Variants in RNFT2 observed in about 807,000 individuals in gnomAD.
RNFT2 encodes E3 ubiquitin-protein ligase RNFT2.
In RNFT2, 36 loss-of-function variants were observed where a neutral mutation model predicts 53.0. That is an observed-to-expected ratio of 0.68 (90% CI 0.52 to 0.90). RNFT2 has a LOEUF of 0.90. Among genes scored for constraint, RNFT2 ranks in the 40% least tolerant of loss-of-function variants. The pLI is 0.00. For synonymous variants in RNFT2, 260 were observed against 253.2 expected (o/e 1.03, Z -0.26); for missense variants, 514 against 585.6 (o/e 0.88, Z 1.26).
chr12:116,740,888 A>C, intron 2 of RNFT2, 148 bp from the exon 3 acceptor site: 1 of 692,874 alleles, frequency 1.4e-6, no homozygotes, highest in Non-Finnish European at 2.6e-6. Context: ...AATGGCATGA[A>C]AGATTGAAAC....
intron 7 of RNFT2, among the ~76,000 whole-genome samples, chr12:116,827,360 G>A (rs1876397373): frequency 6.6e-6 from 1 of 152,192 alleles, no homozygotes; most frequent in African/African-American, 2.4e-5. Context: ...AGACCCAAAA[G>A]ATGAATAGAT....
At position 116,852,387 on chromosome 12, in the gene RNFT2, G is replaced by A; in HGVS notation, c.*2939G>A. On this transcript the variant is annotated 3_prime_UTR_variant, in exon 11 of 11. Transcript: ENST00000257575. ...CCACCAAACCAGGACTTTCCCCTTG[G>A]CTTGGCATCCCTGGCTCTCTCCTGG... is the stretch of plus-strand genomic sequence containing the variant. 1.2e-6 allele frequency: 1 copy of A among 829,780 alleles called. No homozygotes were observed. Among genetic ancestry groups the A allele is most frequent in the Admixed American group, 4.9e-5 (1 of 20,422 alleles). The allele number at this position is 829,780 out of a possible 1,614,324, so 51.4% of individuals were successfully genotyped here. A position where few individuals can be genotyped will look rare whatever the true frequency, so the allele number is the denominator to read the frequency against.
At chr12:116,785,996 G>T (rs1319228937) in intron 7 of RNFT2, among the ~76,000 whole-genome samples, 1 of 152,114 alleles carries the variant, frequency 6.6e-6, no homozygotes, top group Non-Finnish European at 1.5e-5. Context: ...AGGTTGCAGT[G>T]AGCTGAGACC....
intron 7 of RNFT2, among the ~76,000 whole-genome samples, chr12:116,827,085 C>CA (rs1214926613): frequency 2.0e-5 from 3 of 151,618 alleles, no homozygotes; most frequent in Non-Finnish European, 4.4e-5. Flanking sequence ...CTGGGTCTGG[C>CA]AGCAGGTGCC....
intron 6 of RNFT2, among the ~76,000 whole-genome samples, chr12:116,771,501 A>G (rs1566076469): frequency 1.9e-5 from 2 of 104,722 alleles, no homozygotes; most frequent in Non-Finnish European, 4.1e-5. Context: ...AAAAATACGT[A>G]TATGAGCAAT....
intron 10 of RNFT2, among the ~76,000 whole-genome samples, chr12:116,843,705 TG>T (rs11292371): frequency 0.95 from 144,006 of 152,014 alleles, 68,290 homozygotes; most frequent in African/African-American, 0.99. Flanking sequence ...AGCTGGGCCC[TG>T]GGGTAAACCT....
chr12:116,753,671 C>G (rs1427967781), intron 4 of RNFT2, among the ~76,000 whole-genome samples: 1 of 152,100 alleles, frequency 6.6e-6, no homozygotes, highest in Non-Finnish European at 1.5e-5. Flanking sequence ...TGCCCAAGCT[C>G]AAACAGAGAG....
intron 4 of RNFT2, 90 bp from the exon 5 acceptor site, chr12:116,753,894 G>C (rs1400139806): frequency 1.1e-6 from 1 of 936,178 alleles, no homozygotes; most frequent in Non-Finnish European, 1.8e-6. Context: ...GAGGGGACCA[G>C]GGATGTGCCT....
At position 116,766,909 on chromosome 12, in the gene RNFT2, C is replaced by G. The variant is rs1261857836; in HGVS notation, c.723C>G (p.Tyr241Ter). Residue 241 changes from tyrosine to a stop codon, truncating the protein, a stop_gained, in exon 6 of 11, where the codon TAC becomes TAG. Coordinates refer to ENST00000257575, the MANE Select transcript of RNFT2 (RefSeq NM_001382266.1). LOFTEE classifies it high-confidence loss of function. ...VLYTFSSQQL[Y>*]NSLIFLKPNL... ...ATACATTCAGCTCCCAGCAGCTGTA[C>G]AACAGGTGAGCATGGGAATCCAACC... The G allele has an allele frequency of 1.9e-6, 3 of 1,579,242 alleles. No homozygotes were observed. Among genetic ancestry groups the G allele is most frequent in the Admixed American group, 3.7e-5 (2 of 54,526 alleles).
chr12:116,766,148 G>A (rs1872906858), intron 5 of RNFT2, among the ~76,000 whole-genome samples: 1 of 151,890 alleles, frequency 6.6e-6, no homozygotes, highest in Admixed American at 6.6e-5. Flanking sequence ...CAGGTATAGT[G>A]ACACCTGCCT....
chr12:116,760,747 C>T (rs778277779), intron 5 of RNFT2, among the ~76,000 whole-genome samples: 70 of 152,114 alleles, frequency 4.6e-4, no homozygotes, highest in African/African-American at 1.6e-3. Context: ...TGGGTCCTCT[C>T]GGGATTGCTG....
At chr12:116,791,448 A>C (rs549951165) in intron 7 of RNFT2, among the ~76,000 whole-genome samples, 4 of 152,238 alleles carry the variant, frequency 2.6e-5, no homozygotes, top group Non-Finnish European at 5.9e-5. Context: ...AGTAGCTGGG[A>C]TTACAGGAGT....
chr12:116,823,437 A>G (rs1876157888), intron 7 of RNFT2, among the ~76,000 whole-genome samples: 1 of 152,190 alleles, frequency 6.6e-6, no homozygotes. Flanking sequence ...TAATCCCAGC[A>G]CTTTAGGAGG....
At chr12:116,782,556 AAAAAT>A (rs1488849442) in intron 7 of RNFT2, among the ~76,000 whole-genome samples, 5 of 152,246 alleles carry the variant, frequency 3.3e-5, no homozygotes, top group African/African-American at 1.2e-4. Flanking sequence ...AAATGTAAAT[AAAAAT>A]AAAATAATTT....
chr12:116,788,170 G>A lies in RNFT2; in HGVS notation c.882+8822G>A, dbSNP rs577761381. On this transcript the variant is annotated intron_variant, in intron 7 of 10. Coordinates refer to ENST00000257575, the MANE Select transcript of RNFT2 (RefSeq NM_001382266.1). ...TCAAACTCCCAACCTCAGGTGATCCGCCTGCTTTGGCCTCCCAAAGTGCTG... is the reference window on the plus strand; with the variant it reads ...TCAAACTCCCAACCTCAGGTGATCCACCTGCTTTGGCCTCCCAAAGTGCTG... Among the ~76,000 whole-genome samples the A allele has an allele frequency of 9.2e-5, 14 of 152,222 alleles. No individual in the cohort carries two copies. In the South Asian group the frequency reaches 1.9e-3, roughly 20 times the overall value.
intron 3 of RNFT2, among the ~76,000 whole-genome samples, chr12:116,749,080 G>A (rs1035733496): frequency 2.0e-5 from 3 of 152,092 alleles, no homozygotes; most frequent in Admixed American, 6.5e-5. Context: ...TAGGACTGCC[G>A]TAACAAAGTA....
intron 6 of RNFT2, among the ~76,000 whole-genome samples, chr12:116,775,041 C>A (rs1873366843): frequency 6.6e-6 from 1 of 151,850 alleles, no homozygotes; most frequent in African/African-American, 2.4e-5. Context: ...GTGGGCGGAT[C>A]CCCTGAGGTC....
chr12:116,839,482 A>G (rs1259783860), intron 10 of RNFT2, among the ~76,000 whole-genome samples: 2 of 148,734 alleles, frequency 1.3e-5, no homozygotes, highest in African/African-American at 5.0e-5. Context: ...TGAATGATGG[A>G]CAGGTGGAGA....
chr12:116,743,959 G>A (rs993078124), intron 3 of RNFT2, among the ~76,000 whole-genome samples: 3 of 152,152 alleles, frequency 2.0e-5, no homozygotes, highest in Non-Finnish European at 4.4e-5. Flanking sequence ...AGGCATGGTG[G>A]CTTATGCCTG....
Sources: gnomAD v4.1 joint callset for allele counts (sites outside exome capture counted in the v4.1 genomes callset) on GRCh38, gnomAD v4.1.1 for gene constraint, MANE v1.5 for transcripts, NCBI Gene and HGNC (gene_info 2026-07-23, HGNC 2026-07-21) for gene names.